Variants in PLEKHA5 observed in about 807,000 individuals in gnomAD.
PLEKHA5 encodes the protein pleckstrin homology domain containing A5.
A neutral mutation model predicts 181.9 loss-of-function variants in PLEKHA5; 55 were observed. The observed-to-expected ratio is 0.30, with a 90% CI of 0.24 to 0.38. The LOEUF is 0.38. Among genes scored for constraint, PLEKHA5 ranks in the 10% least tolerant of loss-of-function variants. The pLI, the probability that PLEKHA5 is intolerant of heterozygous loss-of-function variation, is 1.00. For synonymous variants in PLEKHA5, 535 were observed against 529.4 expected (o/e 1.01, Z -0.15); for missense variants, 1,432 against 1,549.5 (o/e 0.92, Z 1.27).
chr12:19,232,730 G>T (rs775856199), intron 3 of PLEKHA5, among the ~76,000 whole-genome samples: 14 of 152,190 alleles, frequency 9.2e-5, no homozygotes, highest in Non-Finnish European at 1.8e-4. Context: ...AAGAGTTGCT[G>T]TGTAGTGAAA....
intron 26 of PLEKHA5, among the ~76,000 whole-genome samples, chr12:19,355,907 T>G (rs2094900073): frequency 6.6e-6 from 1 of 151,978 alleles, no homozygotes; most frequent in African/African-American, 2.4e-5. Flanking sequence ...ACACCTGTCA[T>G]CCCAGCACTT....
intron 3 of PLEKHA5, among the ~76,000 whole-genome samples, chr12:19,230,237 C>A (rs1227658924): frequency 1.3e-5 from 2 of 152,214 alleles, no homozygotes; most frequent in Non-Finnish European, 1.5e-5. Flanking sequence ...TATTTACAAT[C>A]CCTTAGGTAG....
chr12:19,306,771 G>A lies in PLEKHA5; in HGVS notation c.2038-8043G>A, dbSNP rs960483975. 5 of 937,884 alleles carry A rather than the reference G, an allele frequency of 5.3e-6. No homozygotes were observed. In the African/African-American group the frequency reaches 6.5e-5, roughly 12 times the overall value. 58.1% of individuals were successfully genotyped at this position (937,884 alleles called of 1,614,324 possible). A position where few individuals can be genotyped will look rare whatever the true frequency, so the allele number is the denominator to read the frequency against. ...ATTCACCTTTGCCAATCGCAATCTCGTTAAATTCCATGATCCAGACTCAGC... is the reference window on the plus strand; with the variant it reads ...ATTCACCTTTGCCAATCGCAATCTCATTAAATTCCATGATCCAGACTCAGC... On this transcript the variant is annotated intron_variant, in intron 15 of 31. Transcript: ENST00000429027.
chr12:19,236,410 A>C (rs1235486951), intron 3 of PLEKHA5, among the ~76,000 whole-genome samples: 5 of 152,140 alleles, frequency 3.3e-5, no homozygotes, highest in African/African-American at 1.2e-4. Context: ...GGCTCACATG[A>C]ATTTGTAAAG....
intron 8 of PLEKHA5, 121 bp from the exon 9 acceptor site, chr12:19,269,649 A>C: frequency 1.9e-6 from 1 of 533,358 alleles, no homozygotes; most frequent in African/African-American, 1.9e-5. Flanking sequence ...GGTAAAAGAT[A>C]AGTCTACTTT....
chr12:19,270,190 T>C lies in PLEKHA5; in HGVS notation c.830T>C (p.Ile277Thr). Residue 277 changes from isoleucine (I) to threonine (T), a missense_variant and splice_region_variant, in exon 10 of 32, where the codon ATT becomes ACT. Coordinates refer to ENST00000429027, the MANE Select transcript of PLEKHA5 (RefSeq NM_001256470.2). ...ALVQTEPVKR[I>T]TFNFRVDKIT... ...CTGAATGTTCTTTCTTCTTACAGAA[T>C]TACCTTTAATTTCCGGTGAGTACGT... The C allele has an allele frequency of 6.8e-7, 1 of 1,462,432 alleles. No individual in the cohort carries two copies. The allele number at this position is 1,462,432 out of a possible 1,614,324, so 90.6% of individuals were successfully genotyped here.
chr12:19,183,660 A>G (rs150532236), intron 3 of PLEKHA5, among the ~76,000 whole-genome samples: 169 of 152,242 alleles, frequency 1.1e-3, no homozygotes, highest in Non-Finnish European at 2.2e-3. Flanking sequence ...TTGGTGTTTC[A>G]AGGAACAGCA....
intron 15 of PLEKHA5, among the ~76,000 whole-genome samples, chr12:19,300,187 A>C (rs1470712850): frequency 1.3e-5 from 2 of 152,248 alleles, no homozygotes; most frequent in African/African-American, 4.8e-5. Context: ...CCAAAATCAT[A>C]AGCTAGAGTG....
chr12:19,368,739 C>T (rs1392107836), intron 30 of PLEKHA5, among the ~76,000 whole-genome samples: 3 of 151,948 alleles, frequency 2.0e-5, no homozygotes, highest in African/African-American at 4.8e-5. Context: ...TGTGATGAGC[C>T]GAGATCACGC....
At chr12:19,308,330 C>T (rs1023092135) in intron 15 of PLEKHA5, among the ~76,000 whole-genome samples, 4 of 152,060 alleles carry the variant, frequency 2.6e-5, no homozygotes, top group African/African-American at 9.7e-5. Context: ...TTCATCTCAA[C>T]CCTAGATGTA....
chr12:19,338,947 T>C (rs554455984), intron 21 of PLEKHA5, among the ~76,000 whole-genome samples: 1 of 152,008 alleles, frequency 6.6e-6, no homozygotes, highest in Admixed American at 6.6e-5. Context: ...GAAAAATAGC[T>C]ATAAATACCT....
intron 24 of PLEKHA5, among the ~76,000 whole-genome samples, chr12:19,347,633 C>T (rs1303280906): frequency 6.6e-6 from 1 of 151,698 alleles, no homozygotes; most frequent in African/African-American, 2.4e-5. Context: ...AGATGTCACC[C>T]CTGAAAATGG....
At chr12:19,269,358 A>C (rs929527805) in intron 8 of PLEKHA5, among the ~76,000 whole-genome samples, 1 of 147,144 alleles carries the variant, frequency 6.8e-6, no homozygotes, top group Admixed American at 7.0e-5. Context: ...CTGCACTCCA[A>C]CCTGGGCAAC....
chr12:19,253,256 G>A (rs1592214733), intron 3 of PLEKHA5, among the ~76,000 whole-genome samples: 1 of 150,560 alleles, frequency 6.6e-6, no homozygotes, highest in East Asian at 2.0e-4. Context: ...TGTATTTTTA[G>A]TAGAGATGGT....
intron 3 of PLEKHA5, among the ~76,000 whole-genome samples, chr12:19,208,123 C>A (rs2056048428): frequency 6.6e-6 from 1 of 152,028 alleles, no homozygotes; most frequent in Non-Finnish European, 1.5e-5. Context: ...AAATGTTTAT[C>A]TAGGCCAGGT....
chr12:19,205,299 C>T lies in PLEKHA5; in HGVS notation c.228-48641C>T, dbSNP rs999214056. 5.0e-6 allele frequency: 4 copies of T among 794,654 alleles called. No homozygotes were observed. In the African/African-American group the frequency reaches 7.5e-5, roughly 15 times the overall value. 49.2% of individuals were successfully genotyped at this position (794,654 alleles called of 1,614,324 possible). On this transcript the variant is annotated intron_variant, in intron 3 of 31. Transcript: ENST00000429027. ...TACTCTTGGAGACTGCGGTGTGGTT[C>T]AGTTTTCTTATAGTGGAAAGAGCAG...
chr12:19,347,984 G>A (rs2094422749), intron 24 of PLEKHA5, among the ~76,000 whole-genome samples: 1 of 150,420 alleles, frequency 6.6e-6, no homozygotes, highest in African/African-American at 2.4e-5. Flanking sequence ...CCAGGTTCAA[G>A]TGATTCTCCT....
chr12:19,230,269 C>G (rs1314313923), intron 3 of PLEKHA5, among the ~76,000 whole-genome samples: 1 of 152,212 alleles, frequency 6.6e-6, no homozygotes, highest in African/African-American at 2.4e-5. Context: ...CTCCAAGTCC[C>G]CACTAGACTC....
At chr12:19,333,467 G>T (rs931182931) in intron 20 of PLEKHA5, among the ~76,000 whole-genome samples, 6 of 150,802 alleles carry the variant, frequency 4.0e-5, no homozygotes, top group Non-Finnish European at 5.9e-5. Flanking sequence ...GTAGTCCCAA[G>T]TATCCCAGCT....
Sources: allele counts gnomAD v4.1 joint callset (sites outside exome capture counted in the v4.1 genomes callset), GRCh38; gene constraint gnomAD v4.1.1; transcripts MANE v1.5; gene names NCBI Gene and HGNC (gene_info 2026-07-23, HGNC 2026-07-21).